ANKRD30B: variants seen among roughly 807,000 people sequenced by gnomAD.
ANKRD30B encodes ankyrin repeat domain 30B.
In ANKRD30B, 144 loss-of-function variants were observed where a neutral mutation model predicts 202.2. The observed-to-expected ratio is 0.71, with a 90% CI of 0.62 to 0.82. The LOEUF is 0.82. ANKRD30B is among the 40% of genes least tolerant of loss of function. The pLI, the probability that ANKRD30B is intolerant of heterozygous loss-of-function variation, is 0.00. For missense variants in ANKRD30B, 1,487 were observed against 1,669.1 expected, an observed-to-expected ratio of 0.89 and a Z score of 1.90; for synonymous variants, 508 against 561.3, an observed-to-expected ratio of 0.91 and a Z score of 1.34.
intron 1 of ANKRD30B, among the ~76,000 whole-genome samples, chr18:14,752,343 A>G (rs1913583064): frequency 6.6e-6 from 1 of 152,202 alleles, no homozygotes; most frequent in Non-Finnish European, 1.5e-5. Flanking sequence ...GCTCAAGTTG[A>G]ACTGAATCCA....
chr18:14,803,474 C>A (rs1339023259), intron 23 of ANKRD30B: 3 of 377,092 alleles, frequency 8.0e-6, no homozygotes, highest in Non-Finnish European at 1.5e-5. Flanking sequence ...CGAGTGAATT[C>A]TTTCGTGAGT....
chr18:14,840,137 A>T (rs926835619), intron 36 of ANKRD30B, among the ~76,000 whole-genome samples: 12 of 152,236 alleles, frequency 7.9e-5, no homozygotes, highest in African/African-American at 2.7e-4. Context: ...TTGGTTTTCA[A>T]TATGTGAACA....
At chr18:14,879,761 CAG>C in the ANKRD30B span, among the ~76,000 whole-genome samples, 13 of 150,052 alleles carry the variant, frequency 8.7e-5, no homozygotes, top group Non-Finnish European at 1.8e-4. Flanking sequence ...GGGTTAGGGT[CAG>C]GGGATAGGGG....
At chr18:14,760,905 G>C (rs1351916045) in intron 6 of ANKRD30B, among the ~76,000 whole-genome samples, 3 of 151,872 alleles carry the variant, frequency 2.0e-5, no homozygotes, top group African/African-American at 7.3e-5. Context: ...ATAATATTTT[G>C]TGTATATAGG....
At chr18:14,824,283 G>A (rs766213132) in intron 32 of ANKRD30B, among the ~76,000 whole-genome samples, 6 of 152,194 alleles carry the variant, frequency 3.9e-5, no homozygotes, top group Non-Finnish European at 8.8e-5. Context: ...TTTTATTGAA[G>A]TGGGAATATT....
At position 14,848,870 on chromosome 18, in the gene ANKRD30B, A is replaced by G. The variant is rs751448832; in HGVS notation, c.3336A>G (p.Glu1112=). The G allele has an allele frequency of 6.2e-7, 1 of 1,603,212 alleles. No homozygotes were observed. Among genetic ancestry groups the G allele is most frequent in the Non-Finnish European group, 8.5e-7 (1 of 1,175,740 alleles). ...AAAAGGAACTGTCAGAAGCGAAAGA[A>G]ATAAAATCACAGTTAGAGAACCAAA... ...VLQKELSEAK[E]IKSQLENQKA... is the part of the protein sequence containing the mutation. Residue 1112 remains glutamate (E), a synonymous_variant, in exon 40 of 44, where the codon GAA becomes GAG. Coordinates refer to ENST00000690538, the MANE Select transcript of ANKRD30B (RefSeq NM_001367607.2).
the ANKRD30B span, among the ~76,000 whole-genome samples, chr18:14,917,164 G>A: frequency 6.6e-6 from 1 of 152,158 alleles, no homozygotes; most frequent in South Asian, 2.1e-4. Flanking sequence ...GCCTACTGCA[G>A]GCTATTATGC....
intron 34 of ANKRD30B, among the ~76,000 whole-genome samples, chr18:14,833,229 T>C (rs1333369926): frequency 6.6e-6 from 1 of 151,538 alleles, no homozygotes; most frequent in African/African-American, 2.4e-5. Flanking sequence ...AACCACCGCG[T>C]CCAGCCGAAA....
At chr18:14,776,312 T>G (rs1317269367) in intron 9 of ANKRD30B, among the ~76,000 whole-genome samples, 1 of 152,200 alleles carries the variant, frequency 6.6e-6, no homozygotes, top group Non-Finnish European at 1.5e-5. Flanking sequence ...TAAAAAACAC[T>G]TATAAGCCAC....
Position 14,824,903 on chromosome 18 carries a change from CTTTGTCTAAAATCCA to C in ANKRD30B, c.2743+2231_2743+2245del, listed in dbSNP as rs1267134463. 3.3e-5 allele frequency among the ~76,000 whole-genome samples: 5 copies of C among 152,274 alleles called. No individual in the cohort carries two copies. The East Asian group carries it at 9.6e-4, about 29-fold the overall frequency. Reference sequence around the variant, plus strand: ...TAGGTGTGATTGTACTCCTATAAAACTTTGTCTAAAATCCATTTGGTAAGCTGAATTTGGAATTCC... The same window carrying C: ...TAGGTGTGATTGTACTCCTATAAAACTTTGGTAAGCTGAATTTGGAATTCC... On this transcript the variant is annotated intron_variant, in intron 32 of 43. Transcript: ENST00000690538.
Position 14,810,283 on chromosome 18 carries a change from A to G in ANKRD30B, c.2488+103A>G. On this transcript the variant is annotated intron_variant, in intron 28 of 43. Coordinates refer to ENST00000690538, the MANE Select transcript of ANKRD30B (RefSeq NM_001367607.2). ...AAAGTTGTTTTCTTTTGAAAATTTG[A>G]TGGGAAAATTTGATACAAATAATGC... 4 of 765,774 alleles carry G rather than the reference A, an allele frequency of 5.2e-6. No homozygotes were observed. In the South Asian group the frequency reaches 8.3e-5, roughly 16 times the overall value. The allele number at this position is 765,774 out of a possible 1,614,324, so 47.4% of individuals were successfully genotyped here.
intron 16 of ANKRD30B, 45 bp downstream of exon 16, chr18:14,791,536 A>C (rs761667006): frequency 2.8e-6 from 4 of 1,441,408 alleles, no homozygotes; most frequent in East Asian, 2.3e-5. Flanking sequence ...CCAAATATTT[A>C]TCTAAACTGA....
the ANKRD30B span, among the ~76,000 whole-genome samples, chr18:14,895,815 A>C: frequency 2.6e-5 from 4 of 152,242 alleles, no homozygotes; most frequent in African/African-American, 4.8e-5. Context: ...CATTCTGGCA[A>C]AGGCAAAACT....
chr18:14,935,017 C>A, the ANKRD30B span, among the ~76,000 whole-genome samples: 1 of 152,148 alleles, frequency 6.6e-6, no homozygotes, highest in Non-Finnish European at 1.5e-5. Context: ...CAGGACTGCG[C>A]TCTCAGGGAC....
At chr18:14,937,333 C>A in the ANKRD30B span, among the ~76,000 whole-genome samples, 2 of 152,224 alleles carry the variant, frequency 1.3e-5, no homozygotes, top group Non-Finnish European at 2.9e-5. Flanking sequence ...CCACACTCAA[C>A]AAACTGTGGC....
intron 12 of ANKRD30B, 123 bp from the exon 13 acceptor site, chr18:14,784,213 A>T: frequency 1.0e-6 from 1 of 1,001,446 alleles, no homozygotes; most frequent in Non-Finnish European, 1.5e-6. Flanking sequence ...AAAACTTCCC[A>T]AATCTAAACT....
downstream of ANKRD30B, among the ~76,000 whole-genome samples, chr18:14,856,309 T>C (rs1180647560): frequency 1.6e-5 from 1 of 63,306 alleles, no homozygotes. Context: ...CCAGATGGGG[T>C]GGAGGTCAGG....
rs766404789 is a variant in ANKRD30B, at chr18:14,752,978, TG to T, written c.477del (p.Ser160ProfsTer33). The T allele has an allele frequency of 8.1e-6, 13 of 1,602,758 alleles. No homozygotes were observed. The highest frequency in any genetic ancestry group is 1.0e-5 in the Non-Finnish European group (12 of 1,174,208). On this transcript the variant is annotated frameshift_variant, in exon 3 of 44. Coordinates refer to ENST00000690538, the MANE Select transcript of ANKRD30B (RefSeq NM_001367607.2). LOFTEE classifies it high-confidence loss of function. ...AATTTGTTAATGGTGGCAACACTGC[TG>T]TCCTATGGTGCAGTCATCGAGGTGC... ...SENLLMVATL[L>X]SYGAVIEVQN...
At chr18:14,755,056 G>GTAA in intron 4 of ANKRD30B, 51 bp downstream of exon 4, 1 of 1,020,734 alleles carries the variant, frequency 9.8e-7, no homozygotes, top group Non-Finnish European at 1.3e-6. Flanking sequence ...GTGTTCTAGA[G>GTAA]TAATAATGCT....
Sources: allele counts gnomAD v4.1 joint callset (sites outside exome capture counted in the v4.1 genomes callset), GRCh38; gene constraint gnomAD v4.1.1; transcripts MANE v1.5; gene names NCBI Gene and HGNC (gene_info 2026-07-23, HGNC 2026-07-21).